Variants in MTCH2 observed in about 807,000 individuals in gnomAD.
MTCH2 encodes the protein mitochondrial carrier homolog 2.
A neutral mutation model predicts 50.6 loss-of-function variants in MTCH2; 25 were observed. The ratio of observed to expected loss-of-function variants is 0.49; its 90% CI spans 0.36 to 0.69. The LOEUF (loss-of-function observed/expected upper bound fraction) is 0.69. MTCH2 is among the 30% of genes least tolerant of loss of function. The pLI is 0.00. For missense variants in MTCH2, 273 were observed against 384.4 expected, an observed-to-expected ratio of 0.71 and a Z score of 2.42; for synonymous variants, 106 against 132.0, an observed-to-expected ratio of 0.80 and a Z score of 1.35.
chr11:47,620,899 A>T (rs1206755448), intron 12 of MTCH2, among the ~76,000 whole-genome samples: 1 of 152,194 alleles, frequency 6.6e-6, no homozygotes, highest in Non-Finnish European at 1.5e-5. Flanking sequence ...TCTTAGCATG[A>T]TATCTGGTAT....
At chr11:47,638,167 A>G (rs988229543) in intron 3 of MTCH2, among the ~76,000 whole-genome samples, 1 of 151,188 alleles carries the variant, frequency 6.6e-6, no homozygotes. Flanking sequence ...CTTAGTCTCA[A>G]GCAGCACTTT....
At chr11:47,636,358 C>CG (rs988599195) in intron 3 of MTCH2, among the ~76,000 whole-genome samples, 34 of 151,634 alleles carry the variant, frequency 2.2e-4, no homozygotes, top group African/African-American at 8.0e-4. Context: ...TGCTTGAACC[C>CG]GGGGGGTAAA....
intron 5 of MTCH2, among the ~76,000 whole-genome samples, chr11:47,632,595 T>C (rs2097304125): frequency 6.6e-6 from 1 of 152,096 alleles, no homozygotes; most frequent in Non-Finnish European, 1.5e-5. Flanking sequence ...CCTGACCTCA[T>C]GATCCGCCCG....
At chr11:47,612,461 G>T (rs1181457226), downstream of MTCH2, among the ~76,000 whole-genome samples, 2 of 152,148 alleles carry the variant, frequency 1.3e-5, no homozygotes, top group Non-Finnish European at 2.9e-5. Flanking sequence ...CCAGCTACTT[G>T]GGGGCTGACG....
In MTCH2 at chr11:47,618,302, A is replaced by G. The variant is rs1284610709; in HGVS notation, c.*531T>C. On this transcript the variant is annotated 3_prime_UTR_variant, in exon 13 of 13. Transcript: ENST00000302503. ...ACTTTCTAGGGTAATGTAGCAATGT[A>G]CTGTCCTTTTCTTGAAGTATGAGAG... is the stretch of plus-strand genomic sequence containing the variant. 3.4e-5 allele frequency: 6 copies of G among 174,812 alleles called. No individual in the cohort carries two copies. The highest frequency in any genetic ancestry group is 7.1e-5 in the Non-Finnish European group (6 of 84,466). 10.8% of individuals were successfully genotyped at this position (174,812 alleles called of 1,614,324 possible).
intron 3 of MTCH2, among the ~76,000 whole-genome samples, chr11:47,636,818 G>A (rs1045140013): frequency 2.6e-5 from 4 of 152,250 alleles, no homozygotes; most frequent in South Asian, 2.1e-4. Flanking sequence ...TTGGAAGGCC[G>A]AAGAGGGAGG....
chr11:47,605,132 C>T, the MTCH2 span, among the ~76,000 whole-genome samples: 1 of 152,054 alleles, frequency 6.6e-6, no homozygotes, highest in South Asian at 2.1e-4. Context: ...AGAGTTTTAC[C>T]GGGTTAGCCA....
At chr11:47,620,031 C>T (rs537915317) in intron 12 of MTCH2, among the ~76,000 whole-genome samples, 3 of 152,054 alleles carry the variant, frequency 2.0e-5, no homozygotes, top group South Asian at 4.2e-4. Context: ...GAGCCAAGAT[C>T]GTGCTATTGC....
At chr11:47,616,662 G>A (rs1332830095), downstream of MTCH2, among the ~76,000 whole-genome samples, 1 of 150,492 alleles carries the variant, frequency 6.6e-6, no homozygotes, top group Non-Finnish European at 1.5e-5. Context: ...ATTATTTCTT[G>A]CATGTGTTTC....
chr11:47,634,615 G>T, intron 5 of MTCH2, 57 bp downstream of exon 5: 1 of 1,331,798 alleles, frequency 7.5e-7, no homozygotes, highest in Non-Finnish European at 1.1e-6. Flanking sequence ...TGATTCCATA[G>T]TTGCAACACC....
rs374343644 is a variant in MTCH2 at position 47,638,805 on chromosome 11, G to A, written c.173C>T (p.Ala58Val). Residue 58 changes from alanine (A) to valine (V), a missense_variant and splice_region_variant, in exon 3 of 13, where the codon GCT (alanine) becomes GTT (valine). By Grantham distance (64) the Ala-to-Val change is moderately conservative. Coordinates refer to ENST00000302503, the MANE Select transcript of MTCH2 (RefSeq NM_014342.4). ...VCQLPGLFSY[A>V]QHIASIDGRR... ...CCCATCGATACTGGCAATGTGCTGA[G>A]CTAAGAACACAAGTCAGAGATGTTG... The A allele has an allele frequency of 1.2e-5, 20 of 1,613,772 alleles. No individual in the cohort carries two copies. The African/African-American group carries it at 2.1e-4, about 17-fold the overall frequency.
At chr11:47,629,403 C>T (rs2097300935) in intron 8 of MTCH2, 1 of 241,154 alleles carries the variant, frequency 4.1e-6, no homozygotes, top group African/African-American at 2.2e-5. Context: ...AATGATTTTG[C>T]TAAGCTATCT....
At chr11:47,624,191 C>T (rs1361940181) in intron 11 of MTCH2, among the ~76,000 whole-genome samples, 8 of 149,904 alleles carry the variant, frequency 5.3e-5, no homozygotes, top group African/African-American at 2.0e-4. Flanking sequence ...GAGATTGCAC[C>T]ACTGCACTAT....
At chr11:47,636,785 C>T (rs1251418212) in intron 3 of MTCH2, among the ~76,000 whole-genome samples, 1 of 151,908 alleles carries the variant, frequency 6.6e-6, no homozygotes, top group Non-Finnish European at 1.5e-5. Context: ...TGCGCAGTGA[C>T]TCACGCCTGT....
At chr11:47,634,945 G>C (rs1325753706) in intron 4 of MTCH2, among the ~76,000 whole-genome samples, 1 of 151,844 alleles carries the variant, frequency 6.6e-6, no homozygotes, top group African/African-American at 2.4e-5. Context: ...GCTAATTTTT[G>C]TATTTTTAGT....
In MTCH2 at chr11:47,618,356, A is replaced by G. The variant is rs2097289992; in HGVS notation, c.*477T>C. 1 of 211,536 alleles carries G rather than the reference A, an allele frequency of 4.7e-6. No individual in the cohort carries two copies. Among genetic ancestry groups the G allele is most frequent in the African/African-American group, 2.4e-5 (1 of 41,794 alleles). 13.1% of individuals were successfully genotyped at this position (211,536 alleles called of 1,614,324 possible). A position where few individuals can be genotyped will look rare whatever the true frequency, so the allele number is the denominator to read the frequency against. On this transcript the variant is annotated 3_prime_UTR_variant, in exon 13 of 13. Coordinates refer to ENST00000302503, the MANE Select transcript of MTCH2 (RefSeq NM_014342.4). ...AGGTCAATGAAATGTGCTTAGAAGC[A>G]TAATGGGAGTCAGATTCTGGTGCAT...
At chr11:47,616,797 C>T (rs2097288683), downstream of MTCH2, among the ~76,000 whole-genome samples, 1 of 151,810 alleles carries the variant, frequency 6.6e-6, no homozygotes, top group African/African-American at 2.4e-5. Context: ...GATTCTCCTG[C>T]CTCAGCCTCC....
the MTCH2 span, among the ~76,000 whole-genome samples, chr11:47,606,093 G>T: frequency 6.6e-6 from 1 of 152,168 alleles, no homozygotes; most frequent in African/African-American, 2.4e-5. Flanking sequence ...ATTGGCAAAG[G>T]TCCCTGGATC....
intron 3 of MTCH2, among the ~76,000 whole-genome samples, chr11:47,638,115 G>A (rs1409725429): frequency 1.3e-5 from 2 of 151,924 alleles, no homozygotes; most frequent in South Asian, 2.1e-4. Flanking sequence ...CAGGGTACCT[G>A]GTTACCTCAA....
Sources: allele counts gnomAD v4.1 joint callset (sites outside exome capture counted in the v4.1 genomes callset), GRCh38; gene constraint gnomAD v4.1.1; transcripts MANE v1.5; gene names NCBI Gene and HGNC (gene_info 2026-07-23, HGNC 2026-07-21).